The following SOHLH2 variants were observed in gnomAD, a reference collection of about 807,000 sequenced individuals.
SOHLH2 encodes spermatogenesis- and oogenesis-specific basic helix-loop-helix-containing protein 2.
In SOHLH2, 22 loss-of-function variants were observed where a neutral mutation model predicts 50.4. That is an observed-to-expected ratio of 0.44 (90% CI 0.31 to 0.62). SOHLH2 has a LOEUF of 0.62. SOHLH2 is among the 20% of genes least tolerant of loss of function. The probability of loss-of-function intolerance (pLI) is 0.08; values close to 1 mark genes in which losing one functional copy is unlikely to be tolerated. For missense variants in SOHLH2, 412 were observed against 504.4 expected (o/e 0.82, Z 1.76); for synonymous variants, 185 against 187.3 (o/e 0.99, Z 0.10).
rs1482145847 is a variant in SOHLH2 at position 36,203,965 on chromosome 13, T to G, written c.49-1872A>C. Reference sequence around the variant, plus strand: ...AATTCTTTTTTTTTGTTTTTTTTTTTTTTTTTGAGGAGTCTCACTCTGTCG... The same window carrying G: ...AATTCTTTTTTTTTGTTTTTTTTTTGTTTTTTGAGGAGTCTCACTCTGTCG... On this transcript the variant is annotated intron_variant, in intron 1 of 10. Coordinates refer to ENST00000379881, the MANE Select transcript of SOHLH2 (RefSeq NM_017826.3). 4.7e-5 allele frequency among the ~76,000 whole-genome samples: 7 copies of G among 148,194 alleles called. No individual in the cohort carries two copies. In the South Asian group the frequency reaches 6.4e-4, roughly 14 times the overall value.
At chr13:36,201,425 A>G (rs1315436377) in intron 2 of SOHLH2, among the ~76,000 whole-genome samples, 1 of 152,124 alleles carries the variant, frequency 6.6e-6, no homozygotes, top group Non-Finnish European at 1.5e-5. Context: ...AATACCACAA[A>G]CTGGAAATAA....
At position 36,184,036 on chromosome 13, in the gene SOHLH2, A is replaced by AC. The variant is rs546287032; in HGVS notation, c.641+5909dup. Among the ~76,000 whole-genome samples the AC allele has an allele frequency of 5.7e-3, 864 of 152,200 alleles. 3 individuals are homozygous for AC. The highest frequency in any genetic ancestry group is 0.01 in the Non-Finnish European group (707 of 68,004). On this transcript the variant is annotated intron_variant, in intron 6 of 10. Coordinates refer to ENST00000379881, the MANE Select transcript of SOHLH2 (RefSeq NM_017826.3). ...CTCATTAATATTTATAGAATACTACACCCCCCAAACAGAAGAATACAGTCT... is the reference window on the plus strand; with the variant it reads ...CTCATTAATATTTATAGAATACTACACCCCCCCAAACAGAAGAATACAGTCT...
At chr13:36,189,341 A>C (rs1027018200) in intron 6 of SOHLH2, among the ~76,000 whole-genome samples, 2 of 152,112 alleles carry the variant, frequency 1.3e-5, no homozygotes, top group Non-Finnish European at 2.9e-5. Flanking sequence ...CATAGCATGA[A>C]ATACCCAGCC....
intron 1 of SOHLH2, among the ~76,000 whole-genome samples, chr13:36,208,203 A>G (rs1160308740): frequency 2.6e-5 from 4 of 152,104 alleles, no homozygotes; most frequent in African/African-American, 9.7e-5. Flanking sequence ...CCTGCCCTTT[A>G]TTTGTGGATC....
At chr13:36,197,762 G>A (rs1367603271) in intron 2 of SOHLH2, among the ~76,000 whole-genome samples, 1 of 152,172 alleles carries the variant, frequency 6.6e-6, no homozygotes, top group Non-Finnish European at 1.5e-5. Context: ...TAATAGTGAA[G>A]AGTGGTGTGC....
At chr13:36,211,513 T>C (rs1869120540) in intron 1 of SOHLH2, among the ~76,000 whole-genome samples, 3 of 152,358 alleles carry the variant, frequency 2.0e-5, no homozygotes, top group Middle Eastern at 3.4e-3. Context: ...TAAGAAAGCA[T>C]GGCATTCAAT....
In SOHLH2 at chr13:36,189,946, C is replaced by A; in HGVS notation, c.641G>T (p.Arg214Met). 1 of 1,582,916 alleles carries A rather than the reference C, an allele frequency of 6.3e-7. No individual in the cohort carries two copies. Among genetic ancestry groups the A allele is most frequent in the Non-Finnish European group, 8.6e-7 (1 of 1,163,914 alleles). ...TAAAAAGTGCTATATTAAAATTCAC[C>A]TTCTTAGTTTTTCCTTGCTTGAATG... is the stretch of plus-strand genomic sequence containing the variant. ...LLHSSKEKLRRERIKYCCEQL... is the reference protein window; with the variant it reads ...LLHSSKEKLRMERIKYCCEQL... Residue 214 changes from arginine (R) to methionine (M), a missense_variant and splice_region_variant, in exon 6 of 11, where the codon AGG becomes ATG. Physicochemically the swap from Arg to Met is moderately conservative, Grantham distance 91. Transcript: ENST00000379881.
intron 6 of SOHLH2, chr13:36,182,149 T>C: frequency 1.0e-6 from 1 of 985,404 alleles, no homozygotes; most frequent in African/African-American, 1.7e-5. Context: ...CCTTTGATTG[T>C]GGCAGCCAAG....
intron 6 of SOHLH2, among the ~76,000 whole-genome samples, chr13:36,187,080 C>G (rs1167255697): frequency 6.6e-6 from 1 of 152,138 alleles, no homozygotes; most frequent in Non-Finnish European, 1.5e-5. Context: ...AGGGGGAGGT[C>G]CTTGTCACAG....
Position 36,173,750 on chromosome 13 carries a change from C to A in SOHLH2, c.942G>T (p.Thr314=), listed in dbSNP as rs564169264. The A allele has an allele frequency of 4.1e-5, 66 of 1,613,846 alleles. 1 individual carries two copies. The highest frequency in any genetic ancestry group is 5.4e-5 in the Non-Finnish European group (64 of 1,180,028). The change falls in exon 9 of 11, where the codon ACG becomes ACT. Residue 314 remains threonine, a synonymous_variant. Transcript: ENST00000379881. The stretch of plus-strand genomic sequence containing the variant: ...CAGGAGTGGAGCACCCATTCCAGCA[C>A]GTATTAGTCAGGAATTGGAGCCCTC... ...PERGLQFLTN[T]CWNGCSTPDA... is the part of the protein sequence containing the mutation.
At chr13:36,197,111 A>C (rs373154875) in intron 2 of SOHLH2, among the ~76,000 whole-genome samples, 1 of 152,252 alleles carries the variant, frequency 6.6e-6, no homozygotes, top group Non-Finnish European at 1.5e-5. Flanking sequence ...TTCCTCTTCT[A>C]TATACCAAAA....
At chr13:36,190,377 G>C (rs1291158297) in intron 5 of SOHLH2, among the ~76,000 whole-genome samples, 1 of 152,034 alleles carries the variant, frequency 6.6e-6, no homozygotes, top group African/African-American at 2.4e-5. Context: ...ATATGACTAT[G>C]CACCCTTCAG....
chr13:36,206,609 G>A (rs1205591789), intron 1 of SOHLH2, among the ~76,000 whole-genome samples: 1 of 151,838 alleles, frequency 6.6e-6, no homozygotes, highest in Admixed American at 6.6e-5. Context: ...CTAATACACA[G>A]TTTTTGTTAA....
chr13:36,211,545 G>C (rs140509958), intron 1 of SOHLH2, among the ~76,000 whole-genome samples: 2 of 152,220 alleles, frequency 1.3e-5, no homozygotes, highest in African/African-American at 4.8e-5. Context: ...AGGAAGAATA[G>C]AGTATGACCA....
chr13:36,192,470 G>A (rs1467688445), intron 4 of SOHLH2, among the ~76,000 whole-genome samples: 1 of 151,978 alleles, frequency 6.6e-6, no homozygotes, highest in South Asian at 2.1e-4. Flanking sequence ...GAACCACAAG[G>A]GCTGGGAGCC....
At chr13:36,197,197 C>T (rs949862552) in intron 2 of SOHLH2, among the ~76,000 whole-genome samples, 9 of 152,208 alleles carry the variant, frequency 5.9e-5, no homozygotes, top group African/African-American at 1.9e-4. Flanking sequence ...ATCCATTTTC[C>T]CTCATGTTTC....
chr13:36,182,255 A>G (rs907670325), intron 6 of SOHLH2: 3 of 985,436 alleles, frequency 3.0e-6, no homozygotes, highest in East Asian at 2.3e-4. Context: ...TATACAGTGA[A>G]GAGCCTGTTC....
Position 36,172,252 on chromosome 13 carries a change from G to A in SOHLH2, c.1000+1440C>T, listed in dbSNP as rs577429828. The stretch of plus-strand genomic sequence containing the variant: ...CTGCAGGACATAAATAGTATTGTAT[G>A]TACAAAAAAATAACATTGACAGGCA... On this transcript the variant is annotated intron_variant, in intron 9 of 10. Transcript: ENST00000379881. Among the ~76,000 whole-genome samples the A allele has an allele frequency of 5.3e-5, 8 of 152,284 alleles. No individual in the cohort carries two copies. The South Asian group carries it at 1.7e-3, about 32-fold the overall frequency.
At chr13:36,194,130 T>C (rs571878129) in intron 2 of SOHLH2, among the ~76,000 whole-genome samples, 2 of 151,752 alleles carry the variant, frequency 1.3e-5, no homozygotes, top group South Asian at 4.2e-4. Context: ...TACAAGAATT[T>C]TGTGGAAAGA....
Sources: gnomAD v4.1 joint callset for allele counts (sites outside exome capture counted in the v4.1 genomes callset) on GRCh38, gnomAD v4.1.1 for gene constraint, MANE v1.5 for transcripts, NCBI Gene and HGNC (gene_info 2026-07-23, HGNC 2026-07-21) for gene names.